Variants in RNF123 observed in about 807,000 individuals in gnomAD.
The protein encoded by RNF123 is E3 ubiquitin-protein ligase RNF123.
In RNF123, 86 loss-of-function variants were observed where a neutral mutation model predicts 168.5. The observed-to-expected ratio is 0.51, with a 90% CI of 0.43 to 0.61. RNF123 has a LOEUF of 0.61. Among genes scored for constraint, RNF123 ranks in the 20% least tolerant of loss-of-function variants. The pLI, the probability that RNF123 is intolerant of heterozygous loss-of-function variation, is 0.00. For missense variants in RNF123, 1,419 were observed against 1,729.7 expected, an observed-to-expected ratio of 0.82 and a Z score of 3.19; for synonymous variants, 666 against 689.1, an observed-to-expected ratio of 0.97 and a Z score of 0.52.
chr3:49,714,229 C>T, intron 31 of RNF123, 55 bp downstream of exon 31: 1 of 1,495,508 alleles, frequency 6.7e-7, no homozygotes, highest in Admixed American at 1.7e-5. Flanking sequence ...CGCTTACCTC[C>T]TACCCATGGG....
chr3:49,716,041 C>T, intron 33 of RNF123, 31 bp downstream of exon 33: 2 of 1,613,590 alleles, frequency 1.2e-6, no homozygotes, highest in Non-Finnish European at 1.7e-6. Flanking sequence ...AGGGTGGGAC[C>T]CTGGGGATGC....
intron 15 of RNF123, among the ~76,000 whole-genome samples, chr3:49,701,023 A>G (rs898816520): frequency 9.2e-5 from 14 of 152,366 alleles, no homozygotes; most frequent in South Asian, 2.1e-4. Flanking sequence ...GATTCCTGCA[A>G]GATCTTTAAG....
chr3:49,690,280 C>CCA (rs1451046474), intron 1 of RNF123, among the ~76,000 whole-genome samples: 1 of 152,234 alleles, frequency 6.6e-6, no homozygotes, highest in Non-Finnish European at 1.5e-5. Context: ...AACAGAGTAA[C>CCA]CATTAGCCAC....
chr3:49,691,620 G>A (rs2054168606), intron 3 of RNF123, 111 bp downstream of exon 3: 1 of 861,192 alleles, frequency 1.2e-6, no homozygotes, highest in South Asian at 1.5e-5. Flanking sequence ...CTTAGGCTCT[G>A]TTCTCACTGT....
rs71324990 is a variant in RNF123 at position 49,697,470 on chromosome 3, G to A, written c.342+13G>A. The A allele has an allele frequency of 2.5e-6, 4 of 1,578,238 alleles. No homozygotes were observed. Among genetic ancestry groups the A allele is most frequent in the Admixed American group, 3.6e-5 (2 of 55,662 alleles). Reference sequence around the variant, plus strand: ...TGACCTGCTGGGGGTGAGTGAGGGTGAGGTGTGGAGACCCAGGTCCAGCCC... The same window carrying A: ...TGACCTGCTGGGGGTGAGTGAGGGTAAGGTGTGGAGACCCAGGTCCAGCCC... On this transcript the variant is annotated intron_variant, in intron 5 of 38. Coordinates refer to ENST00000327697, the MANE Select transcript of RNF123 (RefSeq NM_022064.5).
intron 26 of RNF123, among the ~76,000 whole-genome samples, chr3:49,711,206 C>T (rs2080138962): frequency 6.6e-6 from 1 of 152,166 alleles, no homozygotes; most frequent in African/African-American, 2.4e-5. Flanking sequence ...CGTGGTATCA[C>T]ATACCTGTAG....
intron 35 of RNF123, chr3:49,717,158 C>T (rs1313286274): frequency 6.5e-6 from 1 of 153,304 alleles, no homozygotes; most frequent in Non-Finnish European, 1.5e-5. Context: ...GGCCATGATC[C>T]CCTTCACTGT....
In RNF123 at chr3:49,712,566, A is replaced by G. The variant is rs367894311; in HGVS notation, c.2584A>G (p.Met862Val). ...TCGCACAGGGTCTCTCTTTGCCTTC[A>G]TGCCCGAGTTCTACCTGAGCGTGGC... ...GDRTGSLFAF[M>V]PEFYLSVAIN... Residue 862 changes from methionine to valine, a missense_variant, in exon 27 of 39, where the codon ATG (methionine) becomes GTG (valine). Coordinates refer to ENST00000327697, the MANE Select transcript of RNF123 (RefSeq NM_022064.5). The G allele has an allele frequency of 8.1e-6, 13 of 1,614,098 alleles. No homozygotes were observed. In the African/African-American group the frequency reaches 1.6e-4, roughly 20 times the overall value.
chr3:49,703,203 C>T (rs1302155514), intron 20 of RNF123, among the ~76,000 whole-genome samples: 5 of 152,168 alleles, frequency 3.3e-5, no homozygotes, highest in Admixed American at 6.5e-5. Flanking sequence ...CCCATCACCC[C>T]AAGTTATGCA....
rs559903435 is a variant in RNF123, at chr3:49,708,464, G to A, written c.2496+1566G>A. Among the ~76,000 whole-genome samples, 3 of 152,324 alleles carry A rather than the reference G, an allele frequency of 2.0e-5. No homozygotes were observed. The South Asian group carries it at 6.2e-4, about 32-fold the overall frequency. Reference sequence around the variant, plus strand: ...GGGTCTGGCAGCTGGGGGAGCAGTGGTTCTGGCATCAGGTCCCTGAGTGCT... The same window carrying A: ...GGGTCTGGCAGCTGGGGGAGCAGTGATTCTGGCATCAGGTCCCTGAGTGCT... On this transcript the variant is annotated intron_variant, in intron 26 of 38. Transcript: ENST00000327697.
chr3:49,698,581 T>A, intron 8 of RNF123, 55 bp downstream of exon 8: 1 of 1,593,386 alleles, frequency 6.3e-7, no homozygotes, highest in East Asian at 2.2e-5. Flanking sequence ...TACAGCTTAT[T>A]TGGAGCCACT....
At chr3:49,702,471 A>C (rs1575527066) in intron 19 of RNF123, 66 bp downstream of exon 19, 2 of 1,594,220 alleles carry the variant, frequency 1.3e-6, no homozygotes, top group Non-Finnish European at 1.7e-6. Flanking sequence ...TGCCCTCAGC[A>C]CCTGGCACTT....
chr3:49,698,105 T>C lies in RNF123; in HGVS notation c.451T>C (p.Trp151Arg), dbSNP rs1034005902. 1 of 1,613,794 alleles carries C rather than the reference T, an allele frequency of 6.2e-7. No individual in the cohort carries two copies. Among genetic ancestry groups the C allele is most frequent in the African/African-American group, 1.3e-5 (1 of 74,878 alleles). The change falls in exon 7 of 39, where the codon TGG (tryptophan) becomes CGG (arginine). Residue 151 changes from tryptophan to arginine, a missense_variant. Coordinates refer to ENST00000327697, the MANE Select transcript of RNF123 (RefSeq NM_022064.5). ...CTCCCAGGGGCTCATGCAGATCGGC[T>C]GGTGCACCATCAGCTGCCGCTTCAA... ...ISSQGLMQIGWCTISCRFNQE... is the reference protein window; with the variant it reads ...ISSQGLMQIGRCTISCRFNQE...
At position 49,697,826 on chromosome 3, in the gene RNF123, C is replaced by T. The variant is rs2054298591; in HGVS notation, c.343-59C>T. The T allele has an allele frequency of 2.5e-6, 4 of 1,605,762 alleles. No individual in the cohort carries two copies. In the South Asian group the frequency reaches 3.3e-5, roughly 13 times the overall value. On this transcript the variant is annotated intron_variant, in intron 5 of 38. Transcript: ENST00000327697. The stretch of plus-strand genomic sequence containing the variant: ...CTCAGTTGGGGATGGGGTCTTTTTC[C>T]CTTGGGGAGATGCTCTGTGTGCCTG...
Position 49,702,397 on chromosome 3 carries a change from G to A in RNF123, c.1621G>A (p.Gly541Ser), listed in dbSNP as rs781612959. 5.0e-6 allele frequency: 8 copies of A among 1,614,192 alleles called. No individual in the cohort carries two copies. Among genetic ancestry groups the A allele is most frequent in the Non-Finnish European group, 6.8e-6 (8 of 1,180,020 alleles). ...FRKFLQENAS[G>S]RGNMPMLCPP... ...CAAGTTTCTGCAGGAGAACGCCAGT[G>A]GCCGGGGGGTAGGTGTCCTCCAGGC... Residue 541 changes from glycine (G) to serine (S), a missense_variant, in exon 19 of 39, where the codon GGC becomes AGC. Gly to Ser is a moderately conservative substitution (Grantham distance 56). This residue lies in a region of RNF123 where 349 missense variants were observed against 344.9 expected (regional missense o/e 1.01). Transcript: ENST00000327697.
intron 26 of RNF123, among the ~76,000 whole-genome samples, chr3:49,707,559 C>T (rs1157586713): frequency 5.3e-5 from 8 of 152,196 alleles, no homozygotes; most frequent in African/African-American, 4.8e-5. Flanking sequence ...CCCCTCTTGG[C>T]ATCTCTTCCC....
chr3:49,691,891 C>T (rs1032344174), intron 3 of RNF123, among the ~76,000 whole-genome samples: 1 of 152,250 alleles, frequency 6.6e-6, no homozygotes, highest in Admixed American at 6.5e-5. Flanking sequence ...AGGGCCTTTT[C>T]TTTACAAGTT....
At chr3:49,704,372 A>T (rs1015496623) in intron 21 of RNF123, among the ~76,000 whole-genome samples, 1 of 152,226 alleles carries the variant, frequency 6.6e-6, no homozygotes, top group Admixed American at 6.5e-5. Flanking sequence ...ATGGGCTTAC[A>T]TCTATGTAGA....
At chr3:49,719,368 T>C in intron 35 of RNF123, 2 of 1,613,548 alleles carry the variant, frequency 1.2e-6, no homozygotes, top group Non-Finnish European at 8.5e-7. Flanking sequence ...GTAGGGGCAG[T>C]TGTGGAGCGC....
Sources: allele counts gnomAD v4.1 joint callset (sites outside exome capture counted in the v4.1 genomes callset), GRCh38; gene constraint gnomAD v4.1.1; regional missense constraint gnomAD v4.1.1; transcripts MANE v1.5; gene names NCBI Gene and HGNC (gene_info 2026-07-23, HGNC 2026-07-21).